CFAP299: variants seen among roughly 807,000 people sequenced by gnomAD.
The protein encoded by CFAP299 is cilia- and flagella-associated protein 299.
CFAP299 carries 21 observed loss-of-function variants against 27.0 expected under a neutral mutation model. The ratio of observed to expected loss-of-function variants is 0.78; its 90% CI spans 0.55 to 1.12. CFAP299 has a LOEUF of 1.12. Among genes scored for constraint, CFAP299 ranks in the 50% most tolerant of loss-of-function variants. The pLI, the probability that CFAP299 is intolerant of heterozygous loss-of-function variation, is 0.00. For synonymous variants in CFAP299, 104 were observed against 98.1 expected (o/e 1.06, Z -0.36); for missense variants, 310 against 276.6 (o/e 1.12, Z -0.86).
At chr4:80,387,876 A>T in intron 2 of CFAP299, 1 of 1,143,104 alleles carries the variant, frequency 8.7e-7, no homozygotes, top group South Asian at 1.2e-5. Context: ...GCATTGGTGG[A>T]GAGTCAAAGA....
chr4:80,831,570 T>A (rs1456491693), intron 3 of CFAP299, among the ~76,000 whole-genome samples: 1 of 152,134 alleles, frequency 6.6e-6, no homozygotes, highest in Non-Finnish European at 1.5e-5. Flanking sequence ...TTAAAATACA[T>A]CTTCCAGACC....
At chr4:80,861,289 C>T (rs1341672409) in intron 3 of CFAP299, among the ~76,000 whole-genome samples, 3 of 152,144 alleles carry the variant, frequency 2.0e-5, no homozygotes, top group Non-Finnish European at 4.4e-5. Flanking sequence ...GTGGGAGTGA[C>T]CCGATTTTCC....
chr4:80,693,900 G>T (rs1427728453), intron 3 of CFAP299, among the ~76,000 whole-genome samples: 2 of 150,914 alleles, frequency 1.3e-5, no homozygotes, highest in Non-Finnish European at 1.5e-5. Context: ...ATAAAAATTT[G>T]TAAAATTTAT....
intron 2 of CFAP299, among the ~76,000 whole-genome samples, chr4:80,553,708 A>T (rs1018290007): frequency 1.9e-4 from 29 of 152,184 alleles, no homozygotes; most frequent in African/African-American, 6.3e-4. Flanking sequence ...CTGGTGTAAG[A>T]TGGTATCTTT....
At chr4:80,639,112 C>G (rs1739596391) in intron 3 of CFAP299, among the ~76,000 whole-genome samples, 1 of 152,100 alleles carries the variant, frequency 6.6e-6, no homozygotes. Context: ...GGCCTCATCT[C>G]CAAATACCAT....
chr4:80,893,678 A>T (rs1005960334), intron 4 of CFAP299, among the ~76,000 whole-genome samples: 1 of 151,814 alleles, frequency 6.6e-6, no homozygotes, highest in African/African-American at 2.4e-5. Flanking sequence ...AAAAAAAAGA[A>T]ATTGGACCCT....
intron 2 of CFAP299, among the ~76,000 whole-genome samples, chr4:80,448,599 T>G (rs1728751014): frequency 6.6e-6 from 1 of 152,148 alleles, no homozygotes; most frequent in African/African-American, 2.4e-5. Context: ...TTTCTTCTCT[T>G]ACTAAGAGAT....
chr4:80,870,587 A>G, intron 4 of CFAP299: 3 of 986,180 alleles, frequency 3.0e-6, no homozygotes, highest in South Asian at 9.4e-5. Context: ...CTTAACACCC[A>G]TCATTCTTTT....
chr4:80,737,080 G>C (rs941323190), intron 3 of CFAP299, among the ~76,000 whole-genome samples: 1 of 149,922 alleles, frequency 6.7e-6, no homozygotes, highest in Admixed American at 6.7e-5. Flanking sequence ...ACCAAACACC[G>C]CATATTCTCA....
At chr4:80,847,531 C>T (rs939986263) in intron 3 of CFAP299, among the ~76,000 whole-genome samples, 1 of 152,144 alleles carries the variant, frequency 6.6e-6, no homozygotes, top group Admixed American at 6.5e-5. Context: ...CCCTACATGC[C>T]ATCTATTAGT....
At chr4:80,744,560 C>T (rs925796513) in intron 3 of CFAP299, among the ~76,000 whole-genome samples, 12 of 152,058 alleles carry the variant, frequency 7.9e-5, no homozygotes, top group African/African-American at 2.4e-4. Flanking sequence ...CACCTCCTCT[C>T]CTTTACCTTT....
intron 3 of CFAP299, among the ~76,000 whole-genome samples, chr4:80,687,746 C>T (rs1720303429): frequency 6.6e-6 from 1 of 152,200 alleles, no homozygotes; most frequent in Non-Finnish European, 1.5e-5. Flanking sequence ...ACGCAGAAGA[C>T]AGGTGATTTC....
At chr4:80,870,165 G>A (rs753010730) in intron 4 of CFAP299, 30 bp downstream of exon 4, 2 of 1,575,196 alleles carry the variant, frequency 1.3e-6, no homozygotes, top group South Asian at 1.2e-5. Context: ...TGCACCCTTA[G>A]AGGCAGGGAC....
At chr4:80,943,935 G>A (rs112100216) in intron 4 of CFAP299, among the ~76,000 whole-genome samples, 5,218 of 151,966 alleles carry the variant, frequency 0.034, 205 homozygotes, top group African/African-American at 0.096. Flanking sequence ...GCGTGGTGGC[G>A]CACACCTGTA....
chr4:80,652,432 T>G (rs1298556539), intron 3 of CFAP299, among the ~76,000 whole-genome samples: 2 of 152,054 alleles, frequency 1.3e-5, no homozygotes, highest in Non-Finnish European at 2.9e-5. Context: ...GAAGCGGGTG[T>G]AATCAGGGAG....
In CFAP299 at chr4:80,335,880, G is replaced by GT. The variant is rs533724423; in HGVS notation, c.111+2dup. ...TACTGTGGACTTGTACTACCTGGAG[G>GT]TAAGGGCGGAGCGCGGCAGAGTAGC... On this transcript the variant is annotated splice_donor_variant, in intron 1 of 5. Transcript: ENST00000358105. LOFTEE classifies it high-confidence loss of function. The GT allele has an allele frequency of 3.6e-4, 575 of 1,590,988 alleles. 2 individuals are homozygous for GT. The East Asian group carries it at 1.0e-2, about 28-fold the overall frequency.
intron 4 of CFAP299, among the ~76,000 whole-genome samples, chr4:80,893,741 A>C (rs1488675501): frequency 6.6e-6 from 1 of 151,996 alleles, no homozygotes; most frequent in Non-Finnish European, 1.5e-5. Context: ...TGTAGACATA[A>C]AACCTGAAAA....
intron 2 of CFAP299, among the ~76,000 whole-genome samples, chr4:80,551,072 T>C (rs148884751): frequency 1.6e-4 from 24 of 152,312 alleles, no homozygotes; most frequent in African/African-American, 4.8e-4. Context: ...GTGTGGACTT[T>C]CAGTGTAAGC....
chr4:80,778,968 A>G (rs536436128), intron 3 of CFAP299, among the ~76,000 whole-genome samples: 1 of 152,200 alleles, frequency 6.6e-6, no homozygotes, highest in Non-Finnish European at 1.5e-5. Flanking sequence ...ACTGTCTTAA[A>G]CTATTGTAAA....
Sources: gnomAD v4.1 joint callset for allele counts (sites outside exome capture counted in the v4.1 genomes callset) on GRCh38, gnomAD v4.1.1 for gene constraint, MANE v1.5 for transcripts, NCBI Gene and HGNC (gene_info 2026-07-23, HGNC 2026-07-21) for gene names.